The following HLA-DPB1 variants were observed in gnomAD, a reference collection of about 807,000 sequenced individuals.
HLA-DPB1 encodes the protein HLA class II histocompatibility antigen, DP beta 1 chain.
A neutral mutation model predicts 29.4 loss-of-function variants in HLA-DPB1; 30 were observed. The observed-to-expected ratio is 1.02, with a 90% CI of 0.76 to 1.38. HLA-DPB1 has a LOEUF of 1.38. Among genes scored for constraint, HLA-DPB1 ranks in the 40% most tolerant of loss-of-function variants. The pLI is 0.00. For missense variants in HLA-DPB1, 261 were observed against 327.5 expected (o/e 0.80, Z 1.57); for synonymous variants, 114 against 134.0 (o/e 0.85, Z 1.03).
In HLA-DPB1 at chr6:33,085,810, A is replaced by C. The variant is rs376840874; in HGVS notation, c.678A>C (p.Thr226=). The change falls in exon 4 of 6, where the codon ACA becomes ACC. Residue 226 remains threonine (T), a synonymous_variant. Coordinates refer to ENST00000418931, the MANE Select transcript of HLA-DPB1 (RefSeq NM_002121.6). ...KAQSDSARSK[T]LTGAGGFVLG... ...AGTCTGATTCTGCCCGGAGTAAGAC[A>C]TTGACGGGAGCTGGGGGCTTCGTGC... is the stretch of plus-strand genomic sequence containing the variant. The C allele has an allele frequency of 6.3e-5, 102 of 1,613,972 alleles. No individual in the cohort carries two copies. The highest frequency in any genetic ancestry group is 8.4e-5 in the Non-Finnish European group (99 of 1,179,980).
In HLA-DPB1 at chr6:33,080,400, T is replaced by C; in HGVS notation, c.101-272T>C. ...CCAGCCACCAGCAGAAGGGACTGCCTTCCCCTCAGTGCTCGCCCCTCCCTA... is the reference window on the plus strand; with the variant it reads ...CCAGCCACCAGCAGAAGGGACTGCCCTCCCCTCAGTGCTCGCCCCTCCCTA... On this transcript the variant is annotated intron_variant, in intron 1 of 5. Transcript: ENST00000418931. The surrounding 1 kb of genome is among the most constrained non-coding windows in gnomAD (Gnocchi z 4.3). The C allele has an allele frequency of 1.5e-6, 1 of 656,376 alleles. No homozygotes were observed. Among genetic ancestry groups the C allele is most frequent in the Non-Finnish European group, 2.9e-6 (1 of 349,500 alleles). 40.7% of individuals were successfully genotyped at this position (656,376 alleles called of 1,614,324 possible). A position where few individuals can be genotyped will look rare whatever the true frequency, so the allele number is the denominator to read the frequency against.
rs1485978912 is a variant in HLA-DPB1 at position 33,087,484 on chromosome 6, G to A, written c.*950G>A. On this transcript the variant is annotated 3_prime_UTR_variant, in exon 6 of 6. Coordinates refer to ENST00000418931, the MANE Select transcript of HLA-DPB1 (RefSeq NM_002121.6). ...TTGACACCTTTTGGTCAAGGTAGAG[G>A]ACATGTTTGTTGTAAGCTTTCTTTT... Among the ~76,000 whole-genome samples, 2 of 150,120 alleles carry A rather than the reference G, an allele frequency of 1.3e-5. No homozygotes were observed. Among genetic ancestry groups the A allele is most frequent in the African/African-American group, 4.9e-5 (2 of 41,060 alleles).
In HLA-DPB1 at chr6:33,089,573, C is replaced by T. The variant is rs9296077; in HGVS notation, c.*3039C>T. 0.028 allele frequency among the ~76,000 whole-genome samples: 4,260 copies of T among 152,290 alleles called. 162 individuals carry two copies. The highest frequency in any genetic ancestry group is 0.074 in the African/African-American group (3,088 of 41,544). ...TCCCTCCTAGAAAGAACACACTTCT[C>T]GCATTTCATTTTCCAATGTAAATCA... On this transcript the variant is annotated 3_prime_UTR_variant, in exon 6 of 6. Transcript: ENST00000418931.
At chr6:33,085,497 G>T (rs1246623314) in intron 3 of HLA-DPB1, among the ~76,000 whole-genome samples, 7 of 152,008 alleles carry the variant, frequency 4.6e-5, no homozygotes, top group Non-Finnish European at 1.0e-4. Flanking sequence ...TCACACTTAG[G>T]AACTGACCTC....
Position 33,088,046 on chromosome 6 carries a change from A to G in HLA-DPB1, c.*1512A>G, listed in dbSNP as rs1376585055. On this transcript the variant is annotated 3_prime_UTR_variant, in exon 6 of 6. Transcript: ENST00000418931. ...CACATAATAAGCTAAGGAAGACAGTATATAGTAAATAAGGACCCTTTATCT... is the reference window on the plus strand; with the variant it reads ...CACATAATAAGCTAAGGAAGACAGTGTATAGTAAATAAGGACCCTTTATCT... Among the ~76,000 whole-genome samples the G allele has an allele frequency of 7.0e-6, 1 of 142,214 alleles. No homozygotes were observed. Among genetic ancestry groups the G allele is most frequent in the Non-Finnish European group, 1.5e-5 (1 of 66,174 alleles). 93.3% of individuals were successfully genotyped at this position (142,214 alleles called of 152,430 possible).
intron 2 of HLA-DPB1, 168 bp downstream of exon 2, chr6:33,081,103 G>T: frequency 2.6e-6 from 2 of 770,940 alleles, no homozygotes; most frequent in Non-Finnish European, 4.0e-6. Context: ...GGGAGCGAGC[G>T]CGGGGACCTG....
chr6:33,088,877 G>A lies in HLA-DPB1; in HGVS notation c.*2343G>A, dbSNP rs879736776. Among the ~76,000 whole-genome samples, 21 of 152,014 alleles carry A rather than the reference G, an allele frequency of 1.4e-4. No individual in the cohort carries two copies. Among genetic ancestry groups the A allele is most frequent in the East Asian group, 5.8e-4 (3 of 5,188 alleles). ...ATACCTGCAGAAGAAAAAACCCGGCGGGCTTAGGACTCCCAGCTGAGTGTT... is the reference window on the plus strand; with the variant it reads ...ATACCTGCAGAAGAAAAAACCCGGCAGGCTTAGGACTCCCAGCTGAGTGTT... On this transcript the variant is annotated 3_prime_UTR_variant, in exon 6 of 6. Coordinates refer to ENST00000418931, the MANE Select transcript of HLA-DPB1 (RefSeq NM_002121.6).
rs769226188 is a variant in HLA-DPB1, at chr6:33,085,831, C to T, written c.699C>T (p.Phe233=). 9 of 1,613,994 alleles carry T rather than the reference C, an allele frequency of 5.6e-6. No homozygotes were observed. The highest frequency in any genetic ancestry group is 3.3e-5 in the Admixed American group (2 of 59,998). ...RSKTLTGAGG[F]VLGLIICGVG... ...AGACATTGACGGGAGCTGGGGGCTT[C>T]GTGCTGGGGCTCATCATCTGTGGAG... Residue 233 remains phenylalanine, a synonymous_variant, in exon 4 of 6, where the codon TTC becomes TTT. Transcript: ENST00000418931.
Position 33,086,842 on chromosome 6 carries a change from G to A in HLA-DPB1, c.*308G>A, listed in dbSNP as rs929. ...TCACTTTTCTCTGAGGGTTTTAGTAGACAGTAGGAGTTAATAAAGAAGTTC... is the reference window on the plus strand; with the variant it reads ...TCACTTTTCTCTGAGGGTTTTAGTAAACAGTAGGAGTTAATAAAGAAGTTC... On this transcript the variant is annotated 3_prime_UTR_variant, in exon 6 of 6. Coordinates refer to ENST00000418931, the MANE Select transcript of HLA-DPB1 (RefSeq NM_002121.6). The A allele has an allele frequency of 0.24, 68,561 of 283,298 alleles. 13,219 individuals carry two copies. The highest frequency in any genetic ancestry group is 0.55 in the African/African-American group (23,687 of 42,994). The allele number at this position is 283,298 out of a possible 1,614,324, so 17.5% of individuals were successfully genotyped here. A position where few individuals can be genotyped will look rare whatever the true frequency, so the allele number is the denominator to read the frequency against.
rs142456641 is a variant in HLA-DPB1 at position 33,079,557 on chromosome 6, G to A, written c.101-1115G>A. 41 of 375,134 alleles carry A rather than the reference G, an allele frequency of 1.1e-4. No homozygotes were observed. The East Asian group carries it at 2.1e-3, about 19-fold the overall frequency. 23.2% of individuals were successfully genotyped at this position (375,134 alleles called of 1,614,324 possible). A position where few individuals can be genotyped will look rare whatever the true frequency, so the allele number is the denominator to read the frequency against. On this transcript the variant is annotated intron_variant, in intron 1 of 5. Coordinates refer to ENST00000418931, the MANE Select transcript of HLA-DPB1 (RefSeq NM_002121.6). ...AATGTCAAAATTAAGCATAACTGGC[G>A]GAAACCCAGAGGTCTTAACAGTAGG...
intron 2 of HLA-DPB1, among the ~76,000 whole-genome samples, chr6:33,084,348 T>C (rs1324710270): frequency 1.3e-5 from 2 of 152,028 alleles, no homozygotes; most frequent in Non-Finnish European, 2.9e-5. Context: ...ATATACTTAC[T>C]AACTATTATT....
At chr6:33,085,688 T>C in intron 3 of HLA-DPB1, 91 bp from the exon 4 acceptor site, 1 of 891,434 alleles carries the variant, frequency 1.1e-6, no homozygotes, top group Non-Finnish European at 1.9e-6. Context: ...CTCATCCCGA[T>C]ATGCTGCATC....
Position 33,085,875 on chromosome 6 carries a change from G to A in HLA-DPB1, c.743G>A (p.Arg248Lys). 2 of 1,611,138 alleles carry A rather than the reference G, an allele frequency of 1.2e-6. No individual in the cohort carries two copies. The highest frequency in any genetic ancestry group is 1.7e-6 in the Non-Finnish European group (2 of 1,177,686). Residue 248 changes from arginine (R) to lysine (K), a missense_variant, in exon 4 of 6, where the codon AGG becomes AAG. By Grantham distance (26) the Arg-to-Lys change is conservative (BLOSUM62 2). Coordinates refer to ENST00000418931, the MANE Select transcript of HLA-DPB1 (RefSeq NM_002121.6). ...IICGVGIFMHRRSKKVQRGSA is the reference protein window; with the variant it reads ...IICGVGIFMHKRSKKVQRGSA ...TGTGGAGTGGGCATCTTCATGCACAGGAGGAGCAAGAAAGGTGAGAAAGCC... is the reference window on the plus strand; with the variant it reads ...TGTGGAGTGGGCATCTTCATGCACAAGAGGAGCAAGAAAGGTGAGAAAGCC...
At position 33,080,932 on chromosome 6, in the gene HLA-DPB1, C is replaced by T. The variant is rs1420606472; in HGVS notation, c.361C>T (p.Arg121Ter). 12 of 1,587,186 alleles carry T rather than the reference C, an allele frequency of 7.6e-6. No homozygotes were observed. The highest frequency in any genetic ancestry group is 5.4e-5 in the African/African-American group (4 of 74,662). Reference protein sequence around the residue: ...ELGGPMTLQRRVQPRVNVSPS... With the variant: ...ELGGPMTLQR ...GGGCGGGCCCATGACCCTGCAGCGC[C>T]GAGGTGAGTGAGGGCTTTGGGCCGG... The change falls in exon 2 of 6, where the codon CGA (arginine) becomes TGA (stop). Residue 121 changes from arginine (R) to a stop codon, truncating the protein, a stop_gained. Coordinates refer to ENST00000418931, the MANE Select transcript of HLA-DPB1 (RefSeq NM_002121.6). LOFTEE classifies it high-confidence loss of function. The surrounding 1 kb of genome is among the most constrained non-coding windows in gnomAD (Gnocchi z 4.3).
In HLA-DPB1 at chr6:33,088,254, AC is replaced by A. The variant is rs1206359079; in HGVS notation, c.*1721del. Among the ~76,000 whole-genome samples the A allele has an allele frequency of 6.6e-6, 1 of 152,240 alleles. No homozygotes were observed. Among genetic ancestry groups the A allele is most frequent in the Non-Finnish European group, 1.5e-5 (1 of 68,044 alleles). ...GCACATAAATCCTACCCTCAGAGTCACTGAGCAGTTAACATTACAAATTACA... is the reference window on the plus strand; with the variant it reads ...GCACATAAATCCTACCCTCAGAGTCATGAGCAGTTAACATTACAAATTACA... On this transcript the variant is annotated 3_prime_UTR_variant, in exon 6 of 6. Coordinates refer to ENST00000418931, the MANE Select transcript of HLA-DPB1 (RefSeq NM_002121.6).
In HLA-DPB1 at chr6:33,080,778, C is replaced by A; in HGVS notation, c.207C>A (p.Ser69Arg). 1 of 1,613,550 alleles carries A rather than the reference C, an allele frequency of 6.2e-7. No homozygotes were observed. The highest frequency in any genetic ancestry group is 8.5e-7 in the Non-Finnish European group (1 of 1,179,836). The change falls in exon 2 of 6, where the codon AGC becomes AGA. Residue 69 changes from serine to arginine, a missense_variant. Transcript: ENST00000418931. This position sits in a 1 kb window ranked among gnomAD's most constrained non-coding sequence, Gnocchi z 4.3. ...GGGAGGAGTTCGCGCGCTTCGACAG[C>A]GACGTGGGGGAGTTCCGGGCGGTGA... ...YNREEFARFD[S>R]DVGEFRAVTE...
At chr6:33,079,697 C>T (rs1762735095) in intron 1 of HLA-DPB1, 2 of 505,110 alleles carry the variant, frequency 4.0e-6, no homozygotes, top group East Asian at 5.6e-5. Context: ...GGTCCACAGC[C>T]TCAAGGAGCT....
chr6:33,081,004 G>A lies in HLA-DPB1; in HGVS notation c.364+69G>A, dbSNP rs1295121006. ...GGCCCGTGCCCAGGGCGCAGGAGCA[G>A]CCGGGTTGGCCTAAGGGACCTTAGT... On this transcript the variant is annotated intron_variant, in intron 2 of 5. Transcript: ENST00000418931. 9.6e-6 allele frequency: 14 copies of A among 1,465,302 alleles called. No homozygotes were observed. In the Middle Eastern group the frequency reaches 6.2e-4, roughly 65 times the overall value. 90.8% of individuals were successfully genotyped at this position (1,465,302 alleles called of 1,614,324 possible).
Position 33,085,167 on chromosome 6 carries a change from G to A in HLA-DPB1, c.582G>A (p.Gln194=). The change falls in exon 3 of 6, where the codon CAG becomes CAA. Residue 194 remains glutamine (Q), a synonymous_variant. Coordinates refer to ENST00000418931, the MANE Select transcript of HLA-DPB1 (RefSeq NM_002121.6). ...TGATGCTGGAAATGACCCCCCAGCA[G>A]GGAGATGTCTACACCTGCCAAGTGG... ...ILVMLEMTPQ[Q]GDVYTCQVEH... 1 of 1,613,180 alleles carries A rather than the reference G, an allele frequency of 6.2e-7. No homozygotes were observed. Among genetic ancestry groups the A allele is most frequent in the Non-Finnish European group, 8.5e-7 (1 of 1,179,592 alleles).
Sources: allele counts gnomAD v4.1 joint callset (sites outside exome capture counted in the v4.1 genomes callset), GRCh38; gene constraint gnomAD v4.1.1; non-coding constraint Gnocchi (gnomAD v3.1); transcripts MANE v1.5; gene names NCBI Gene and HGNC (gene_info 2026-07-23, HGNC 2026-07-21).